The following BANK1 variants were observed in gnomAD, a reference collection of about 807,000 sequenced individuals.
The protein encoded by BANK1 is B-cell scaffold protein with ankyrin repeats.
BANK1 carries 95 observed loss-of-function variants against 94.5 expected under a neutral mutation model. The observed-to-expected ratio is 1.00, with a 90% confidence interval of 0.85 to 1.19. The LOEUF (loss-of-function observed/expected upper bound fraction) is 1.19. Among genes scored for constraint, BANK1 ranks in the 50% most tolerant of loss-of-function variants. BANK1 has a pLI of 0.00. For missense variants in BANK1, 987 were observed against 932.2 expected (o/e 1.06, Z -0.77); for synonymous variants, 334 against 308.4 (o/e 1.08, Z -0.87).
At chr4:101,831,569 G>A (rs970824367) in intron 2 of BANK1, among the ~76,000 whole-genome samples, 1 of 152,124 alleles carries the variant, frequency 6.6e-6, no homozygotes, top group Non-Finnish European at 1.5e-5. Flanking sequence ...CTGCCTCCCA[G>A]GCTAAAGCAA....
chr4:101,838,981 T>C (rs1357342045), intron 2 of BANK1, among the ~76,000 whole-genome samples: 1 of 152,236 alleles, frequency 6.6e-6, no homozygotes, highest in Non-Finnish European at 1.5e-5. Context: ...TATTTTTATA[T>C]TTCACACAGG....
At chr4:101,973,309 A>G (rs1311497033) in intron 7 of BANK1, among the ~76,000 whole-genome samples, 2 of 151,946 alleles carry the variant, frequency 1.3e-5, no homozygotes, top group Non-Finnish European at 2.9e-5. Context: ...TACAGCCATC[A>G]TAGATTTTTA....
chr4:101,937,634 G>A (rs1723613133), intron 7 of BANK1, among the ~76,000 whole-genome samples: 1 of 151,864 alleles, frequency 6.6e-6, no homozygotes, highest in Non-Finnish European at 1.5e-5. Context: ...CTTTTATACT[G>A]TTGATGGAAA....
At chr4:102,051,208 T>A (rs1415618080) in intron 11 of BANK1, among the ~76,000 whole-genome samples, 2 of 152,176 alleles carry the variant, frequency 1.3e-5, no homozygotes, top group African/African-American at 4.8e-5. Context: ...ATCAGGCTGT[T>A]TTTGCCAGTA....
intron 1 of BANK1, among the ~76,000 whole-genome samples, chr4:101,792,493 T>C (rs1725030590): frequency 6.8e-6 from 1 of 147,410 alleles, no homozygotes. Context: ...AATGAAGAGC[T>C]CCCTCTCTCT....
At chr4:101,872,999 A>G (rs1288385109) in intron 5 of BANK1, among the ~76,000 whole-genome samples, 6 of 147,318 alleles carry the variant, frequency 4.1e-5, no homozygotes, top group Non-Finnish European at 7.5e-5. Context: ...AAAACTAAAG[A>G]AAAAAAAAAA....
At chr4:101,847,735 AT>A (rs1373115235) in intron 2 of BANK1, among the ~76,000 whole-genome samples, 1 of 87,192 alleles carries the variant, frequency 1.1e-5, no homozygotes. Context: ...GTATTCCATC[AT>A]ACACACACAC....
chr4:101,882,257 T>C (rs1190686683), intron 5 of BANK1, among the ~76,000 whole-genome samples: 1 of 152,018 alleles, frequency 6.6e-6, no homozygotes, highest in East Asian at 1.9e-4. Context: ...CAAAAAAAGA[T>C]AGAAAGTGAA....
chr4:102,060,453 T>C (rs1341830496), intron 12 of BANK1, 64 bp downstream of exon 12: 5 of 1,526,784 alleles, frequency 3.3e-6, no homozygotes, highest in Non-Finnish European at 4.4e-6. Flanking sequence ...TTTGTTAATG[T>C]TTAATTTTCA....
At chr4:101,818,024 T>G (rs573747369) in intron 1 of BANK1, among the ~76,000 whole-genome samples, 2 of 152,286 alleles carry the variant, frequency 1.3e-5, no homozygotes, top group South Asian at 4.1e-4. Context: ...TCCTTCACAC[T>G]CTGGCACAAA....
intron 7 of BANK1, among the ~76,000 whole-genome samples, chr4:101,973,550 G>C (rs1048875195): frequency 6.6e-6 from 1 of 152,002 alleles, no homozygotes; most frequent in African/African-American, 2.4e-5. Context: ...TATAGGAATA[G>C]AAGATCAGTA....
intron 1 of BANK1, among the ~76,000 whole-genome samples, chr4:101,801,106 C>T (rs1201593971): frequency 1.3e-5 from 2 of 152,100 alleles, no homozygotes; most frequent in African/African-American, 4.8e-5. Context: ...GCTTTGCTAC[C>T]TAACACTGTA....
chr4:101,947,284 AATATATATATATATAT>A (rs36202521), intron 7 of BANK1, among the ~76,000 whole-genome samples: 1 of 58,236 alleles, frequency 1.7e-5, no homozygotes, highest in Non-Finnish European at 5.4e-5. Flanking sequence ...AGAAGTTGTA[AATATATATATATATAT>A]ATATATATAT....
At chr4:101,798,191 A>G (rs1477767082) in intron 1 of BANK1, among the ~76,000 whole-genome samples, 1 of 152,184 alleles carries the variant, frequency 6.6e-6, no homozygotes, top group Non-Finnish European at 1.5e-5. Context: ...TTTAGTAAAG[A>G]GGATGAGAGC....
At chr4:102,053,643 G>GAATT (rs1728127606) in intron 11 of BANK1, among the ~76,000 whole-genome samples, 1 of 150,790 alleles carries the variant, frequency 6.6e-6, no homozygotes, top group Non-Finnish European at 1.5e-5. Context: ...AACCAATGAG[G>GAATT]AATTAAACAA....
intron 7 of BANK1, among the ~76,000 whole-genome samples, chr4:101,919,452 T>C (rs1387940732): frequency 6.6e-6 from 1 of 151,938 alleles, no homozygotes; most frequent in African/African-American, 2.4e-5. Context: ...ATGATGACAG[T>C]AGATATGAAA....
At chr4:101,824,088 A>G (rs898478229) in intron 1 of BANK1, among the ~76,000 whole-genome samples, 9 of 152,242 alleles carry the variant, frequency 5.9e-5, no homozygotes, top group African/African-American at 2.2e-4. Flanking sequence ...TACTGTGTAG[A>G]ACAAACCTCA....
At chr4:102,044,000 A>G (rs1727790773) in intron 11 of BANK1, 93 bp downstream of exon 11, 1 of 660,422 alleles carries the variant, frequency 1.5e-6, no homozygotes, top group Non-Finnish European at 2.6e-6. Context: ...GGACAGAAGT[A>G]TGTAATTGTG....
chr4:101,926,696 C>T (rs185005765), intron 7 of BANK1, among the ~76,000 whole-genome samples: 11 of 151,688 alleles, frequency 7.3e-5, no homozygotes, highest in Admixed American at 5.3e-4. Flanking sequence ...TAAAGTGGTG[C>T]GTAAAAGGAG....
Sources: gnomAD v4.1 joint callset for allele counts (sites outside exome capture counted in the v4.1 genomes callset) on GRCh38, gnomAD v4.1.1 for gene constraint, MANE v1.5 for transcripts, NCBI Gene and HGNC (gene_info 2026-07-23, HGNC 2026-07-21) for gene names.